The following TENT5C variants were observed in gnomAD, a reference collection of about 807,000 sequenced individuals.
The protein encoded by TENT5C is terminal nucleotidyltransferase 5C, also known as family with sequence similarity 46 member C.
In TENT5C, 5 loss-of-function variants were observed where a neutral mutation model predicts 22.2. That is an observed-to-expected ratio of 0.22 (90% confidence interval 0.12 to 0.47). The LOEUF is 0.47. TENT5C is among the 20% of genes least tolerant of loss of function. TENT5C has a pLI of 0.99. For missense variants in TENT5C, 364 were observed against 500.9 expected (o/e 0.73, Z 2.61); for synonymous variants, 199 against 195.4 (o/e 1.02, Z -0.15).
Position 117,625,708 on chromosome 1 carries a change from G to A in TENT5C, c.*1664G>A. 4.0e-6 allele frequency: 1 copy of A among 248,054 alleles called. No homozygotes were observed. Among genetic ancestry groups the A allele is most frequent in the Non-Finnish European group, 8.5e-6 (1 of 118,126 alleles). The allele number at this position is 248,054 out of a possible 1,614,324, so 15.4% of individuals were successfully genotyped here. On this transcript the variant is annotated 3_prime_UTR_variant, in exon 2 of 2. Coordinates refer to ENST00000369448, the MANE Select transcript of TENT5C (RefSeq NM_017709.4). ...AGTGAAGTTATCCTAATGCAAAAGAGCTTAGTAGAAAATGAGTGGTTTACC... is the reference window on the plus strand; with the variant it reads ...AGTGAAGTTATCCTAATGCAAAAGAACTTAGTAGAAAATGAGTGGTTTACC...
At position 117,626,206 on chromosome 1, in the gene TENT5C, G is replaced by A. The variant is rs1376401835; in HGVS notation, c.*2162G>A. 4 of 247,778 alleles carry A rather than the reference G, an allele frequency of 1.6e-5. No homozygotes were observed. The highest frequency in any genetic ancestry group is 2.5e-5 in the Non-Finnish European group (3 of 117,980). 15.3% of individuals were successfully genotyped at this position (247,778 alleles called of 1,614,324 possible). ...TTCTACTTAGAAGGCTTGGGGCCCA[G>A]GGTAATGAGGCACCAGATGAAGATA... On this transcript the variant is annotated 3_prime_UTR_variant, in exon 2 of 2. Coordinates refer to ENST00000369448, the MANE Select transcript of TENT5C (RefSeq NM_017709.4).
At position 117,626,867 on chromosome 1, in the gene TENT5C, C is replaced by T. The variant is rs776907024; in HGVS notation, c.*2823C>T. On this transcript the variant is annotated 3_prime_UTR_variant, in exon 2 of 2. Transcript: ENST00000369448. ...GCATGTCTGCAGCCTGTTCTCCTAG[C>T]CTGCTGCTTGGAGTCAGGTTGAGCA... is the stretch of plus-strand genomic sequence containing the variant. The T allele has an allele frequency of 4.0e-6, 1 of 248,128 alleles. No homozygotes were observed. The highest frequency in any genetic ancestry group is 8.5e-6 in the Non-Finnish European group (1 of 118,126). The allele number at this position is 248,128 out of a possible 1,614,324, so 15.4% of individuals were successfully genotyped here.
rs1558007901 is a variant in TENT5C at position 117,623,411 on chromosome 1, G to A, written c.543G>A (p.Val181=). 6.2e-7 allele frequency: 1 copy of A among 1,614,124 alleles called. No individual in the cohort carries two copies. The highest frequency in any genetic ancestry group is 8.5e-7 in the Non-Finnish European group (1 of 1,180,042). The change falls in exon 2 of 2, where the codon GTG becomes GTA. Residue 181 remains valine (V), a synonymous_variant. Coordinates refer to ENST00000369448, the MANE Select transcript of TENT5C (RefSeq NM_017709.4). ...DSIRRQFEFS[V]DSFQIILDSL... ...TTCGGCGTCAGTTTGAGTTCAGTGT[G>A]GACTCTTTCCAAATCATCCTGGATT...
chr1:117,616,730 A>G (rs1375348427), intron 1 of TENT5C, among the ~76,000 whole-genome samples: 1 of 152,212 alleles, frequency 6.6e-6, no homozygotes, highest in Non-Finnish European at 1.5e-5. Flanking sequence ...GGAAGGCTGA[A>G]ATGTGTTTGA....
chr1:117,622,930 A>C lies in TENT5C; in HGVS notation c.62A>C (p.Gln21Pro), dbSNP rs1653928181. The change falls in exon 2 of 2, where the codon CAG (glutamine) becomes CCG (proline). Residue 21 changes from glutamine to proline, a missense_variant. Coordinates refer to ENST00000369448, the MANE Select transcript of TENT5C (RefSeq NM_017709.4). ...TCCTTCAGCGTGCTCAACTGGGATCAGGTTAGCCGGCTGCATGAGGTCCTC... is the reference window on the plus strand; with the variant it reads ...TCCTTCAGCGTGCTCAACTGGGATCCGGTTAGCCGGCTGCATGAGGTCCTC... Reference protein sequence around the residue: ...CMSFSVLNWDQVSRLHEVLTE... With the variant: ...CMSFSVLNWDPVSRLHEVLTE... 5 of 1,614,232 alleles carry C rather than the reference A, an allele frequency of 3.1e-6. No individual in the cohort carries two copies. Among genetic ancestry groups the C allele is most frequent in the Non-Finnish European group, 4.2e-6 (5 of 1,180,032 alleles).
chr1:117,619,410 C>G (rs1476464443), intron 1 of TENT5C, among the ~76,000 whole-genome samples: 1 of 152,160 alleles, frequency 6.6e-6, no homozygotes, highest in African/African-American at 2.4e-5. Flanking sequence ...TGTGTCTTCT[C>G]TGTTGGGGTT....
chr1:117,622,564 C>G (rs1031682013), intron 1 of TENT5C, among the ~76,000 whole-genome samples: 1 of 151,876 alleles, frequency 6.6e-6, no homozygotes, highest in African/African-American at 2.4e-5. Context: ...AAACACACTC[C>G]GTTTCAGCAC....
At chr1:117,614,170 C>A (rs1653726981) in intron 1 of TENT5C, among the ~76,000 whole-genome samples, 1 of 152,154 alleles carries the variant, frequency 6.6e-6, no homozygotes, top group Non-Finnish European at 1.5e-5. Context: ...GAGGAGCTGG[C>A]AGACAAAAGC....
intron 1 of TENT5C, among the ~76,000 whole-genome samples, chr1:117,612,096 A>G: frequency 6.6e-6 from 1 of 152,220 alleles, no homozygotes; most frequent in East Asian, 1.9e-4. Context: ...GGGAGGCAAG[A>G]TTTAACAACC....
intron 1 of TENT5C, among the ~76,000 whole-genome samples, chr1:117,610,404 C>T (rs936419057): frequency 6.6e-6 from 1 of 152,204 alleles, no homozygotes; most frequent in Non-Finnish European, 1.5e-5. Context: ...CATATCTGCA[C>T]AAAGGAATGA....
At chr1:117,606,205 C>T (rs1417256036) in intron 1 of TENT5C, 52 bp downstream of exon 1, 2 of 152,182 alleles carry the variant, frequency 1.3e-5, no homozygotes, top group African/African-American at 2.4e-5. Context: ...GCAGCAGCCC[C>T]AGGGAGCCGC....
intron 1 of TENT5C, 81 bp from the exon 2 acceptor site, chr1:117,622,761 A>G (rs548700815): frequency 2.2e-6 from 2 of 900,764 alleles, no homozygotes; most frequent in South Asian, 3.4e-5. Flanking sequence ...AGATGTTCAG[A>G]GATTAAACAG....
intron 1 of TENT5C, among the ~76,000 whole-genome samples, chr1:117,610,532 G>A (rs1026850221): frequency 1.3e-5 from 2 of 152,098 alleles, no homozygotes; most frequent in Admixed American, 1.3e-4. Context: ...ATACTTTGTT[G>A]TTGTTTGTTC....
chr1:117,620,410 A>G (rs934601736), intron 1 of TENT5C, among the ~76,000 whole-genome samples: 1 of 152,226 alleles, frequency 6.6e-6, no homozygotes, highest in African/African-American at 2.4e-5. Flanking sequence ...CTTTGAAAGC[A>G]CAACAGGTGA....
chr1:117,609,689 C>T (rs1393725327), intron 1 of TENT5C, among the ~76,000 whole-genome samples: 2 of 152,240 alleles, frequency 1.3e-5, no homozygotes, highest in African/African-American at 4.8e-5. Context: ...CGATTTCTCT[C>T]ATTAGTCTCA....
At chr1:117,606,613 C>T (rs1360827438) in intron 1 of TENT5C, among the ~76,000 whole-genome samples, 1 of 152,116 alleles carries the variant, frequency 6.6e-6, no homozygotes. Flanking sequence ...CTCGCCCCGG[C>T]GCTCCCGCGG....
At chr1:117,608,763 CTTTT>C (rs5777320) in intron 1 of TENT5C, among the ~76,000 whole-genome samples, 6 of 138,772 alleles carry the variant, frequency 4.3e-5, no homozygotes, top group Admixed American at 7.2e-5. Flanking sequence ...TGAGTTGAAC[CTTTT>C]TTTTTTTTTT....
At position 117,625,297 on chromosome 1, in the gene TENT5C, A is replaced by G. The variant is rs1473166732; in HGVS notation, c.*1253A>G. On this transcript the variant is annotated 3_prime_UTR_variant, in exon 2 of 2. Coordinates refer to ENST00000369448, the MANE Select transcript of TENT5C (RefSeq NM_017709.4). Reference sequence around the variant, plus strand: ...GGCCTTGTGTGCATTGGAGCTTCCAAGGCACTTTGAAATCATTCCAGTATA... The same window carrying G: ...GGCCTTGTGTGCATTGGAGCTTCCAGGGCACTTTGAAATCATTCCAGTATA... 4.0e-6 allele frequency: 1 copy of G among 247,990 alleles called. No individual in the cohort carries two copies. The highest frequency in any genetic ancestry group is 8.5e-6 in the Non-Finnish European group (1 of 118,116). 15.4% of individuals were successfully genotyped at this position (247,990 alleles called of 1,614,324 possible).
chr1:117,621,711 C>T (rs577713206), intron 1 of TENT5C, among the ~76,000 whole-genome samples: 1 of 152,290 alleles, frequency 6.6e-6, no homozygotes, highest in South Asian at 2.1e-4. Context: ...AAACTGTTTA[C>T]AGTGAAATCT....
Sources: allele counts gnomAD v4.1 joint callset (sites outside exome capture counted in the v4.1 genomes callset), GRCh38; gene constraint gnomAD v4.1.1; transcripts MANE v1.5; gene names NCBI Gene and HGNC (gene_info 2026-07-23, HGNC 2026-07-21).